GRIP1: variants seen among roughly 807,000 people sequenced by gnomAD.
GRIP1 encodes glutamate receptor-interacting protein 1.
A neutral mutation model predicts 129.9 loss-of-function variants in GRIP1; 45 were observed. That is an observed-to-expected ratio of 0.35 (90% CI 0.27 to 0.44). The LOEUF is 0.44. GRIP1 is among the 20% of genes least tolerant of loss of function. GRIP1 has a pLI of 1.00. For missense variants in GRIP1, 1,196 were observed against 1,396.8 expected (o/e 0.86, Z 2.29); for synonymous variants, 530 against 520.8 (o/e 1.02, Z -0.24).
chr12:66,614,920 A>G (rs1348037561), intron 1 of GRIP1, among the ~76,000 whole-genome samples: 2 of 152,140 alleles, frequency 1.3e-5, no homozygotes, highest in Non-Finnish European at 1.5e-5. Flanking sequence ...CCTCTTCTCA[A>G]TTATTCTAAT....
chr12:66,451,368 T>TTATTATTATAA (rs2058790439), intron 11 of GRIP1, among the ~76,000 whole-genome samples: 1 of 144,026 alleles, frequency 6.9e-6, no homozygotes, highest in Admixed American at 7.2e-5. Flanking sequence ...CCCCAAAGAT[T>TTATTATTATAA]TATTATTATA....
At chr12:66,565,476 G>C (rs927528432) in intron 2 of GRIP1, among the ~76,000 whole-genome samples, 5 of 152,106 alleles carry the variant, frequency 3.3e-5, no homozygotes, top group African/African-American at 1.2e-4. Flanking sequence ...CTGTTCCATT[G>C]GTCTATATCT....
intron 23 of GRIP1, among the ~76,000 whole-genome samples, chr12:66,355,600 C>T (rs1170591599): frequency 2.6e-5 from 4 of 151,596 alleles, no homozygotes; most frequent in African/African-American, 9.7e-5. Context: ...ACTGGTGATG[C>T]TTAGGGAGAA....
intron 1 of GRIP1, among the ~76,000 whole-genome samples, chr12:66,619,223 G>A (rs901215074): frequency 2.0e-5 from 3 of 152,118 alleles, no homozygotes; most frequent in Admixed American, 6.6e-5. Flanking sequence ...TGAGCAGCAA[G>A]CAGCACTAAA....
intron 1 of GRIP1, among the ~76,000 whole-genome samples, chr12:66,971,433 T>C (rs1389327029): frequency 1.3e-5 from 2 of 152,214 alleles, no homozygotes; most frequent in African/African-American, 4.8e-5. Flanking sequence ...TGAGAATTCA[T>C]GGCAAACTTA....
intron 24 of GRIP1, among the ~76,000 whole-genome samples, chr12:66,349,623 A>G (rs1302620168): frequency 6.6e-6 from 1 of 152,170 alleles, no homozygotes; most frequent in Non-Finnish European, 1.5e-5. Flanking sequence ...ATAGGATGTA[A>G]TCCCAGGCCA....
chr12:66,611,489 C>A (rs570416498), intron 1 of GRIP1, among the ~76,000 whole-genome samples: 1 of 152,196 alleles, frequency 6.6e-6, no homozygotes, highest in African/African-American at 2.4e-5. Flanking sequence ...TTATTTTGAT[C>A]CTAGGAATTC....
intron 1 of GRIP1, among the ~76,000 whole-genome samples, chr12:66,798,214 T>C (rs999664145): frequency 7.9e-5 from 12 of 152,148 alleles, no homozygotes; most frequent in Non-Finnish European, 1.6e-4. Context: ...AATTACCACA[T>C]GGATGTGGGC....
intron 1 of GRIP1, among the ~76,000 whole-genome samples, chr12:66,738,728 G>T (rs1020543530): frequency 1.3e-5 from 2 of 152,166 alleles, no homozygotes; most frequent in African/African-American, 4.8e-5. Context: ...GCTTACATTA[G>T]CATGCCAGCT....
chr12:66,862,810 C>T (rs1390959529), intron 1 of GRIP1, among the ~76,000 whole-genome samples: 1 of 151,972 alleles, frequency 6.6e-6, no homozygotes, highest in African/African-American at 2.4e-5. Flanking sequence ...GTCTAGATTC[C>T]ATCTCTCTAT....
intron 7 of GRIP1, among the ~76,000 whole-genome samples, chr12:66,476,046 C>T (rs1185414911): frequency 6.6e-6 from 1 of 151,874 alleles, no homozygotes; most frequent in African/African-American, 2.4e-5. Flanking sequence ...GATAGAGACA[C>T]AAAAAACCCT....
At chr12:66,355,019 A>C (rs1276577484) in intron 23 of GRIP1, among the ~76,000 whole-genome samples, 1 of 152,180 alleles carries the variant, frequency 6.6e-6, no homozygotes, top group African/African-American at 2.4e-5. Context: ...TCCAGACACC[A>C]AGTGCCTAAT....
chr12:67,011,192 C>T (rs941293081), intron 1 of GRIP1, among the ~76,000 whole-genome samples: 3 of 152,112 alleles, frequency 2.0e-5, no homozygotes, highest in African/African-American at 7.2e-5. Context: ...TGCTTCTCCT[C>T]CGGAGTTCCC....
At chr12:66,625,048 G>A (rs904157257) in intron 1 of GRIP1, among the ~76,000 whole-genome samples, 1 of 149,142 alleles carries the variant, frequency 6.7e-6, no homozygotes, top group African/African-American at 2.5e-5. Flanking sequence ...AGCTTGTAAT[G>A]TCATTCTTTA....
chr12:66,426,719 G>A (rs1368663949), intron 14 of GRIP1, among the ~76,000 whole-genome samples: 1 of 152,146 alleles, frequency 6.6e-6, no homozygotes, highest in East Asian at 1.9e-4. Flanking sequence ...TAGGGCTTGT[G>A]GACTGTGGGT....
intron 14 of GRIP1, among the ~76,000 whole-genome samples, chr12:66,432,313 G>A (rs1288427206): frequency 1.3e-5 from 2 of 152,052 alleles, no homozygotes; most frequent in Admixed American, 6.5e-5. Context: ...ATATTTTCTA[G>A]CTATCCTTAT....
intron 7 of GRIP1, among the ~76,000 whole-genome samples, chr12:66,503,966 G>A (rs1204443332): frequency 6.6e-6 from 1 of 152,120 alleles, no homozygotes; most frequent in Non-Finnish European, 1.5e-5. Flanking sequence ...AGCTAGGCTG[G>A]CTAAAACAAA....
At chr12:66,979,758 C>T (rs141312592) in intron 1 of GRIP1, among the ~76,000 whole-genome samples, 2 of 152,010 alleles carry the variant, frequency 1.3e-5, no homozygotes, top group East Asian at 3.9e-4. Flanking sequence ...AAATGACATA[C>T]GAAAAGACAC....
chr12:66,557,315 C>T (rs756496005), intron 2 of GRIP1, among the ~76,000 whole-genome samples: 7 of 152,056 alleles, frequency 4.6e-5, no homozygotes, highest in South Asian at 2.1e-4. Flanking sequence ...CACTGGAGTA[C>T]GCAGATATAC....
Sources: gnomAD v4.1 joint callset for allele counts (sites outside exome capture counted in the v4.1 genomes callset) on GRCh38, gnomAD v4.1.1 for gene constraint, MANE v1.5 for transcripts, NCBI Gene and HGNC (gene_info 2026-07-23, HGNC 2026-07-21) for gene names.